The following TNS1 variants were observed in gnomAD, a reference collection of about 807,000 sequenced individuals.
The protein encoded by TNS1 is tensin-1.
TNS1 carries 62 observed loss-of-function variants against 168.6 expected under a neutral mutation model. That is an observed-to-expected ratio of 0.37 (90% confidence interval 0.30 to 0.45). The LOEUF is 0.45. TNS1 is among the 20% of genes least tolerant of loss of function. The pLI is 1.00. For missense variants in TNS1, 2,240 were observed against 2,339.4 expected (o/e 0.96, Z 0.88); for synonymous variants, 934 against 933.2 (o/e 1.00, Z -0.02).
chr2:217,848,897 G>T lies in TNS1; in HGVS notation c.1620C>A (p.Thr540=). Residue 540 remains threonine, a synonymous_variant, in exon 19 of 33, where the codon ACC becomes ACA. Coordinates refer to ENST00000682258, the MANE Select transcript of TNS1 (RefSeq NM_001387777.1). Reference sequence around the variant, plus strand: ...CGGGGACAGGCTCGTCGGTCTTGTCGGTCTTGGTGGAGGCTGTGGAGTTGC... The same window carrying T: ...CGGGGACAGGCTCGTCGGTCTTGTCTGTCTTGGTGGAGGCTGTGGAGTTGC... ...DSGNSTASTK[T]DKTDEPVPGA... 6.2e-7 allele frequency: 1 copy of T among 1,614,144 alleles called. No individual in the cohort carries two copies. Among genetic ancestry groups the T allele is most frequent in the Non-Finnish European group, 8.5e-7 (1 of 1,180,014 alleles).
chr2:217,939,550 T>A (rs1956803688), intron 3 of TNS1, among the ~76,000 whole-genome samples: 1 of 152,218 alleles, frequency 6.6e-6, no homozygotes, highest in Non-Finnish European at 1.5e-5. Context: ...CAGGAGAAGA[T>A]GAAGGTCTAG....
chr2:217,848,171 C>T lies in TNS1; in HGVS notation c.2346G>A (p.Gln782=), dbSNP rs761008694. 12 of 1,600,352 alleles carry T rather than the reference C, an allele frequency of 7.5e-6. No individual in the cohort carries two copies. The highest frequency in any genetic ancestry group is 8.5e-6 in the Non-Finnish European group (10 of 1,173,236). ...GGCGTGGAGGTGGGCGAGGCTGCTG[C>T]TGCTGCTGCTGCTGCTGCTGCCACG... ...LNSWQQQQQQ[Q]QQPRPPPRQQ... is the part of the protein sequence containing the mutation. Residue 782 remains glutamine, a synonymous_variant, in exon 19 of 33, where the codon CAG becomes CAA. Coordinates refer to ENST00000682258, the MANE Select transcript of TNS1 (RefSeq NM_001387777.1).
intron 23 of TNS1, 115 bp downstream of exon 23, chr2:217,821,625 G>A: frequency 2.9e-6 from 3 of 1,051,732 alleles, no homozygotes; most frequent in East Asian, 3.1e-5. Flanking sequence ...CCGCCATCTG[G>A]GTATGCTTTC....
chr2:217,962,936 T>C (rs796814169), intron 3 of TNS1, among the ~76,000 whole-genome samples: 8 of 152,320 alleles, frequency 5.3e-5, no homozygotes, highest in African/African-American at 1.7e-4. Flanking sequence ...AATGTGAATG[T>C]CCTGGTTTTG....
intron 19 of TNS1, among the ~76,000 whole-genome samples, chr2:217,847,235 G>A (rs1320363817): frequency 1.3e-5 from 2 of 152,190 alleles, no homozygotes; most frequent in Non-Finnish European, 2.9e-5. Flanking sequence ...ACTCTCTAAT[G>A]AAATCATCTG....
At chr2:218,024,154 C>T (rs1263854769) in intron 1 of TNS1, among the ~76,000 whole-genome samples, 1 of 152,146 alleles carries the variant, frequency 6.6e-6, no homozygotes, top group East Asian at 1.9e-4. Flanking sequence ...GGGCACCCCA[C>T]TAAGAGGTGG....
intron 3 of TNS1, among the ~76,000 whole-genome samples, chr2:217,961,216 G>GGC (rs1957487206): frequency 6.8e-6 from 1 of 146,252 alleles, no homozygotes. Context: ...CCATCTCAGG[G>GGC]TGTCTCTCTC....
In TNS1 at chr2:217,906,403, G is replaced by A. The variant is rs983586110; in HGVS notation, c.271-18C>T. The A allele has an allele frequency of 3.0e-5, 21 of 702,528 alleles. No homozygotes were observed. The highest frequency in any genetic ancestry group is 5.2e-5 in the Non-Finnish European group (20 of 384,862). 43.5% of individuals were successfully genotyped at this position (702,528 alleles called of 1,614,324 possible). Reference sequence around the variant, plus strand: ...CCTTCTCCCTGCAGACAGAGAAAAGGCAGTCAGAGAGGGGAGGCAAGAAAA... The same window carrying A: ...CCTTCTCCCTGCAGACAGAGAAAAGACAGTCAGAGAGGGGAGGCAAGAAAA... On this transcript the variant is annotated intron_variant, in intron 5 of 32. Transcript: ENST00000682258.
chr2:217,808,679 A>G lies in TNS1; in HGVS notation c.5274-8T>C, dbSNP rs1408340114. 1.9e-6 allele frequency: 3 copies of G among 1,613,862 alleles called. No homozygotes were observed. The highest frequency in any genetic ancestry group is 2.5e-6 in the Non-Finnish European group (3 of 1,179,878). ...TGGCGTCTGAAAAAGAGCCTGCAGC[A>G]CAGACATCAGATAAACAGAGAATGA... On this transcript the variant is annotated splice_region_variant and splice_polypyrimidine_tract_variant and intron_variant, in intron 30 of 32. Coordinates refer to ENST00000682258, the MANE Select transcript of TNS1 (RefSeq NM_001387777.1).
chr2:218,015,304 C>G (rs1958747827), upstream of TNS1, among the ~76,000 whole-genome samples: 1 of 151,998 alleles, frequency 6.6e-6, no homozygotes. Context: ...CACGGCTTTT[C>G]CATAGCACAG....
At chr2:217,878,878 G>T (rs1278281916) in intron 18 of TNS1, among the ~76,000 whole-genome samples, 1 of 152,204 alleles carries the variant, frequency 6.6e-6, no homozygotes, top group African/African-American at 2.4e-5. Flanking sequence ...GGGACAGAGG[G>T]TTGGTGAGGG....
rs184941440 is a variant in TNS1, at chr2:217,882,177, T to G, written c.1312+169A>C. 214 of 567,224 alleles carry G rather than the reference T, an allele frequency of 3.8e-4. No individual in the cohort carries two copies. The East Asian group carries it at 6.5e-3, about 17-fold the overall frequency. The allele number at this position is 567,224 out of a possible 1,614,324, so 35.1% of individuals were successfully genotyped here. Reference sequence around the variant, plus strand: ...TTTTATTATCCAGAGATTAAGTCACTGGTTCATGTTTAGCTAGGGGTCCAC... The same window carrying G: ...TTTTATTATCCAGAGATTAAGTCACGGGTTCATGTTTAGCTAGGGGTCCAC... On this transcript the variant is annotated intron_variant, in intron 17 of 32. Transcript: ENST00000682258.
intron 28 of TNS1, among the ~76,000 whole-genome samples, chr2:217,811,054 C>T (rs1409302409): frequency 6.6e-6 from 1 of 152,024 alleles, no homozygotes; most frequent in Non-Finnish European, 1.5e-5. Context: ...AATTTTTTTA[C>T]TGTTTTGTAA....
chr2:217,805,635 C>CACCACACACCACCA (rs1938759846), intron 32 of TNS1, among the ~76,000 whole-genome samples: 1 of 17,750 alleles, frequency 5.6e-5, no homozygotes, highest in Non-Finnish European at 1.2e-4. Flanking sequence ...ACCATCACAC[C>CACCACACACCACCA]CACACACATC....
In TNS1 at chr2:217,895,013, T is replaced by C. The variant is rs1452236087; in HGVS notation, c.587A>G (p.His196Arg). The stretch of plus-strand genomic sequence containing the variant: ...AAACAGCCCCTGGCTCACCTTGGCA[T>C]GGAGCTTCGTGATGTCAGGTCTCCG... ...SERRPDITKL[H>R]AKVLEFGWPD... The change falls in exon 9 of 33, where the codon CAT becomes CGT. Residue 196 changes from histidine (H) to arginine (R), a missense_variant. By Grantham distance (29) the His-to-Arg change is conservative. Around this residue, in one of 2 missense-constraint regions of TNS1, gnomAD observed 2,131 missense variants for 2,171.2 expected, o/e 0.98. Transcript: ENST00000682258. 2.5e-6 allele frequency: 4 copies of C among 1,613,016 alleles called. No homozygotes were observed. The highest frequency in any genetic ancestry group is 3.4e-6 in the Non-Finnish European group (4 of 1,179,698).
At chr2:217,988,506 C>T (rs760199000) in intron 2 of TNS1, among the ~76,000 whole-genome samples, 24 of 152,090 alleles carry the variant, frequency 1.6e-4, no homozygotes, top group Non-Finnish European at 3.4e-4. Flanking sequence ...CCTGGAGTGA[C>T]GGGAAGACAC....
chr2:217,804,382 A>G lies in TNS1; in HGVS notation c.*77T>C. 14 of 1,576,274 alleles carry G rather than the reference A, an allele frequency of 8.9e-6. No individual in the cohort carries two copies. Among genetic ancestry groups the G allele is most frequent in the Non-Finnish European group, 1.0e-5 (12 of 1,159,352 alleles). Reference sequence around the variant, plus strand: ...GGCCCAAAGTCCTCCTTCTGGGTTCAAGAGTGGTCAGGATTCATGGGTCCC... The same window carrying G: ...GGCCCAAAGTCCTCCTTCTGGGTTCGAGAGTGGTCAGGATTCATGGGTCCC... On this transcript the variant is annotated 3_prime_UTR_variant, in exon 33 of 33. Coordinates refer to ENST00000682258, the MANE Select transcript of TNS1 (RefSeq NM_001387777.1).
In TNS1 at chr2:217,847,595, T is replaced by G; in HGVS notation, c.2922A>C (p.Ser974=). The part of the protein sequence containing the change: ...LPGLTAQPLL[S]PKEATSDPSR... The stretch of plus-strand genomic sequence containing the variant: ...AGGGGTCTGAAGTCGCTTCCTTTGG[T>G]GAGAGCAGAGGCTGAGCAGTGAGGC... Residue 974 remains serine, a synonymous_variant, in exon 19 of 33, where the codon TCA becomes TCC. Coordinates refer to ENST00000682258, the MANE Select transcript of TNS1 (RefSeq NM_001387777.1). 1.3e-6 allele frequency: 2 copies of G among 1,526,278 alleles called. No homozygotes were observed. The highest frequency in any genetic ancestry group is 1.8e-6 in the Non-Finnish European group (2 of 1,129,210). 94.5% of individuals were successfully genotyped at this position (1,526,278 alleles called of 1,614,324 possible).
At chr2:217,857,239 C>T (rs545931830) in intron 18 of TNS1, among the ~76,000 whole-genome samples, 26 of 152,272 alleles carry the variant, frequency 1.7e-4, no homozygotes, top group African/African-American at 5.5e-4. Flanking sequence ...TTTAAAAGCC[C>T]TGGGGCTTTT....
Sources: gnomAD v4.1 joint callset for allele counts (sites outside exome capture counted in the v4.1 genomes callset) on GRCh38, gnomAD v4.1.1 for gene constraint, gnomAD v4.1.1 regional missense constraint, MANE v1.5 for transcripts, NCBI Gene and HGNC (gene_info 2026-07-23, HGNC 2026-07-21) for gene names.